The following CCNG1 variants were observed in gnomAD, a reference collection of about 807,000 sequenced individuals.
CCNG1 encodes the protein cyclin G1.
A neutral mutation model predicts 30.0 loss-of-function variants in CCNG1; 13 were observed. The observed-to-expected ratio is 0.43, with a 90% CI of 0.28 to 0.69. CCNG1 has a LOEUF of 0.69. Among genes scored for constraint, CCNG1 ranks in the 30% least tolerant of loss-of-function variants. The pLI, the probability that CCNG1 is intolerant of heterozygous loss-of-function variation, is 0.16. For synonymous variants in CCNG1, 110 were observed against 121.5 expected, an observed-to-expected ratio of 0.91 and a Z score of 0.62; for missense variants, 285 against 331.4, an observed-to-expected ratio of 0.86 and a Z score of 1.09.
chr5:163,454,953 T>A, the CCNG1 span, among the ~76,000 whole-genome samples: 1 of 152,012 alleles, frequency 6.6e-6, no homozygotes, highest in Non-Finnish European at 1.5e-5. Flanking sequence ...AAAAACTAGG[T>A]AGTAAATATG....
chr5:163,447,461 A>C (rs905529037), downstream of CCNG1: 1 of 147,634 alleles, frequency 6.8e-6, no homozygotes, highest in African/African-American at 2.5e-5. Context: ...AAAAAAAAAA[A>C]CATGAAGCAA....
the CCNG1 span, chr5:163,451,478 C>T: frequency 2.0e-5 from 3 of 152,100 alleles, no homozygotes; most frequent in African/African-American, 4.8e-5. Flanking sequence ...TTACACATAT[C>T]TATACTTAAA....
At chr5:163,446,804 C>G (rs1349781211), downstream of CCNG1, 1 of 152,198 alleles carries the variant, frequency 6.6e-6, no homozygotes, top group Non-Finnish European at 1.5e-5. Context: ...CACTTGAGGC[C>G]AGGAGTTCGA....
At chr5:163,441,421 C>A in intron 3 of CCNG1, 90 bp downstream of exon 3, 1 of 1,220,844 alleles carries the variant, frequency 8.2e-7, no homozygotes, top group South Asian at 1.6e-5. Flanking sequence ...TCATAGAATT[C>A]TAATAAAAAT....
At chr5:163,441,427 A>AAAAT (rs779476101) in intron 3 of CCNG1, 96 bp downstream of exon 3, 121 of 1,132,428 alleles carry the variant, frequency 1.1e-4, no homozygotes, top group Non-Finnish European at 1.5e-4. Context: ...AATTCTAATA[A>AAAAT]AAATAAGTAA....
At chr5:163,450,418 G>A (rs780000211), downstream of CCNG1, 4 of 152,072 alleles carry the variant, frequency 2.6e-5, no homozygotes, top group Non-Finnish European at 5.9e-5. Flanking sequence ...GAGAATAGGA[G>A]AAATTACAAA....
At chr5:163,448,114 A>G (rs1319010978), downstream of CCNG1, 2 of 151,940 alleles carry the variant, frequency 1.3e-5, no homozygotes, top group Non-Finnish European at 2.9e-5. Flanking sequence ...AGCTATGATC[A>G]TAACACTACT....
chr5:163,438,820 G>A (rs1300429815), intron 1 of CCNG1, among the ~76,000 whole-genome samples: 1 of 152,190 alleles, frequency 6.6e-6, no homozygotes, highest in Non-Finnish European at 1.5e-5. Flanking sequence ...AAGGCCAGGA[G>A]ACCGAGACCA....
the CCNG1 span, chr5:163,457,427 C>T: frequency 3.1e-6 from 2 of 635,964 alleles, no homozygotes; most frequent in Non-Finnish European, 5.6e-6. Context: ...GTAACTTTGA[C>T]ATACAACGGT....
intron 2 of CCNG1, 78 bp from the exon 3 acceptor site, chr5:163,441,000 A>C: frequency 1.4e-6 from 2 of 1,421,066 alleles, no homozygotes; most frequent in Non-Finnish European, 1.9e-6. Context: ...GTTGGGTCGG[A>C]GTTCTAGATT....
At chr5:163,450,508 A>C (rs958309698), downstream of CCNG1, 2 of 152,238 alleles carry the variant, frequency 1.3e-5, no homozygotes, top group African/African-American at 4.8e-5. Context: ...AAAATGGGTA[A>C]ATAATTTGAA....
the CCNG1 span, chr5:163,456,917 C>G: frequency 6.3e-7 from 1 of 1,588,790 alleles, no homozygotes; most frequent in Non-Finnish European, 8.6e-7. Context: ...TCATACACTT[C>G]ATCTGACTTA....
downstream of CCNG1, chr5:163,448,696 A>C (rs536132639): frequency 6.6e-6 from 1 of 152,230 alleles, no homozygotes; most frequent in Non-Finnish European, 1.5e-5. Flanking sequence ...ACAATTGCAC[A>C]ATATCCAAAA....
chr5:163,447,895 T>C (rs971629523), downstream of CCNG1: 1 of 152,214 alleles, frequency 6.6e-6, no homozygotes, highest in Non-Finnish European at 1.5e-5. Context: ...AATATCACCG[T>C]GCTTGGAATG....
chr5:163,457,624 AT>A, the CCNG1 span: 1 of 1,526,008 alleles, frequency 6.6e-7, no homozygotes, highest in Non-Finnish European at 9.1e-7. Flanking sequence ...AAAAATAAAC[AT>A]ATAAGGTGCT....
Position 163,437,608 on chromosome 5 carries a change from A to C in CCNG1, c.-197A>C, listed in dbSNP as rs1757544858. On this transcript the variant is annotated 5_prime_UTR_variant, in exon 1 of 7. Coordinates refer to ENST00000340828, the MANE Select transcript of CCNG1 (RefSeq NM_004060.4). ...GGCAGGCGCGGCCCCTTCGGCTCCG[A>C]GCTGACCCTGATCAGGGCCGAGTTG... 6.6e-6 allele frequency: 1 copy of C among 151,880 alleles called. No homozygotes were observed. Among genetic ancestry groups the C allele is most frequent in the Admixed American group, 6.6e-5 (1 of 15,260 alleles). 9.4% of individuals were successfully genotyped at this position (151,880 alleles called of 1,614,324 possible).
At chr5:163,447,541 T>C (rs1450898123), downstream of CCNG1, 1 of 151,710 alleles carries the variant, frequency 6.6e-6, no homozygotes, top group East Asian at 1.9e-4. Flanking sequence ...CATTCCTCTC[T>C]CAGTAGTCCA....
the CCNG1 span, chr5:163,457,428 A>G: frequency 1.5e-6 from 1 of 646,426 alleles, no homozygotes; most frequent in Non-Finnish European, 2.8e-6. Context: ...TAACTTTGAC[A>G]TACAACGGTT....
intron 6 of CCNG1, among the ~76,000 whole-genome samples, chr5:163,442,876 T>C (rs1266136151): frequency 6.6e-6 from 1 of 152,210 alleles, no homozygotes; most frequent in African/African-American, 2.4e-5. Flanking sequence ...GCACATGATC[T>C]TGCTGTATGT....
Sources: allele counts gnomAD v4.1 joint callset (sites outside exome capture counted in the v4.1 genomes callset), GRCh38; gene constraint gnomAD v4.1.1; transcripts MANE v1.5; gene names NCBI Gene and HGNC (gene_info 2026-07-23, HGNC 2026-07-21).